The following TMEM143 variants were observed in gnomAD, a reference collection of about 807,000 sequenced individuals.
TMEM143 encodes the protein transmembrane protein 143.
TMEM143 carries 45 observed loss-of-function variants against 40.3 expected under a neutral mutation model. That is an observed-to-expected ratio of 1.12 (90% CI 0.88 to 1.43). The LOEUF (loss-of-function observed/expected upper bound fraction) is 1.43, where lower values mean the gene tolerates loss of function less well. Among genes scored for constraint, TMEM143 ranks in the 40% most tolerant of loss-of-function variants. TMEM143 has a pLI of 0.00. For synonymous variants in TMEM143, 299 were observed against 282.7 expected (o/e 1.06, Z -0.58); for missense variants, 620 against 613.4 (o/e 1.01, Z -0.11).
intron 6 of TMEM143, among the ~76,000 whole-genome samples, chr19:48,338,558 A>G (rs1969422188): frequency 6.6e-6 from 1 of 152,240 alleles, no homozygotes; most frequent in Non-Finnish European, 1.5e-5. Flanking sequence ...GAAAATGTTC[A>G]CTGCCTCATC....
chr19:48,336,203 G>A (rs1057371615), intron 6 of TMEM143, among the ~76,000 whole-genome samples: 18 of 152,194 alleles, frequency 1.2e-4, no homozygotes, highest in South Asian at 2.1e-4. Flanking sequence ...GCAACATGGT[G>A]AAACCCCATC....
chr19:48,363,719 G>T lies in TMEM143; in HGVS notation c.23+179C>A, dbSNP rs1013298301. The T allele has an allele frequency of 4.1e-5, 56 of 1,362,992 alleles. No homozygotes were observed. In the East Asian group the frequency reaches 1.4e-3, roughly 33 times the overall value. The allele number at this position is 1,362,992 out of a possible 1,614,324, so 84.4% of individuals were successfully genotyped here. A position where few individuals can be genotyped will look rare whatever the true frequency, so the allele number is the denominator to read the frequency against. ...CAGTTGGCCTGGGTCCCAGACAGGG[G>T]TCAGAGGTCTTAGGTTCTGGGGCGT... On this transcript the variant is annotated intron_variant, in intron 1 of 7. Transcript: ENST00000293261.
intron 4 of TMEM143, among the ~76,000 whole-genome samples, chr19:48,344,033 C>T (rs982829848): frequency 6.6e-6 from 1 of 151,788 alleles, no homozygotes; most frequent in Admixed American, 6.6e-5. Flanking sequence ...ACTACAGGCA[C>T]CCGCCACCAT....
At chr19:48,361,813 C>T (rs1364829676) in intron 2 of TMEM143, among the ~76,000 whole-genome samples, 1 of 152,208 alleles carries the variant, frequency 6.6e-6, no homozygotes, top group East Asian at 1.9e-4. Context: ...AGGCGTGAGC[C>T]ACCGCGCCCG....
At chr19:48,339,116 G>C (rs762629339) in intron 6 of TMEM143, among the ~76,000 whole-genome samples, 1 of 152,128 alleles carries the variant, frequency 6.6e-6, no homozygotes, top group African/African-American at 2.4e-5. Flanking sequence ...GCAGGACTGG[G>C]TAGAATGGGG....
rs561229332 is a variant in TMEM143, at chr19:48,345,288, G to A, written c.436C>T (p.Arg146Cys). The A allele has an allele frequency of 5.0e-6, 8 of 1,608,952 alleles. No homozygotes were observed. The highest frequency in any genetic ancestry group is 1.7e-5 in the Admixed American group (1 of 59,114). ...AGCACCTCCTGCTCATTAGACAGACGCTGGGGATCCGTTAGTGATGGCTGA... is the reference window on the plus strand; with the variant it reads ...AGCACCTCCTGCTCATTAGACAGACACTGGGGATCCGTTAGTGATGGCTGA... ...LDQPSLTDPQ[R>C]LSNEQEVLRA... The change falls in exon 4 of 8, where the codon CGT becomes TGT. Residue 146 changes from arginine (R) to cysteine (C), a missense_variant. By Grantham distance (180) the Arg-to-Cys change is radical. Coordinates refer to ENST00000293261, the MANE Select transcript of TMEM143 (RefSeq NM_018273.4).
chr19:48,338,301 G>A (rs563049856), intron 6 of TMEM143, among the ~76,000 whole-genome samples: 3 of 152,144 alleles, frequency 2.0e-5, no homozygotes, highest in South Asian at 2.1e-4. Context: ...CAGTCTCCCC[G>A]TCCAGTTTGT....
chr19:48,350,447 G>A (rs1969740644), intron 3 of TMEM143, among the ~76,000 whole-genome samples: 1 of 152,078 alleles, frequency 6.6e-6, no homozygotes, highest in Non-Finnish European at 1.5e-5. Context: ...TCCCCCTGCA[G>A]GGCACCATGC....
chr19:48,343,311 G>C lies in TMEM143; in HGVS notation c.695+10C>G, dbSNP rs760671010. ...CTCTTGCTGCAGCTGGGGAACAAGG[G>C]CCGCCTCACCTCTCCGCAGGGGGCA... On this transcript the variant is annotated intron_variant, in intron 5 of 7. Coordinates refer to ENST00000293261, the MANE Select transcript of TMEM143 (RefSeq NM_018273.4). The C allele has an allele frequency of 1.2e-6, 2 of 1,608,246 alleles. No individual in the cohort carries two copies. The highest frequency in any genetic ancestry group is 1.7e-6 in the Non-Finnish European group (2 of 1,178,328).
Position 48,342,558 on chromosome 19 carries a change from G to C in TMEM143, c.947C>G (p.Ala316Gly), listed in dbSNP as rs1197048086. 6.2e-7 allele frequency: 1 copy of C among 1,611,318 alleles called. No homozygotes were observed. The highest frequency in any genetic ancestry group is 1.7e-5 in the Admixed American group (1 of 59,866). Residue 316 changes from alanine (A) to glycine (G), a missense_variant, in exon 6 of 8, where the codon GCC becomes GGC. By Grantham distance (60) the Ala-to-Gly change is moderately conservative. Coordinates refer to ENST00000293261, the MANE Select transcript of TMEM143 (RefSeq NM_018273.4). ...VATSLLLLLF[A>G]IFMGLRASKM... ...GGAGGCCCGCAGGCCCATGAAGATG[G>C]CGAAGAGCAGCAGCAGCAGGGAGGT...
intron 3 of TMEM143, among the ~76,000 whole-genome samples, chr19:48,356,963 G>T (rs1216824995): frequency 7.1e-6 from 1 of 140,042 alleles, no homozygotes; most frequent in Non-Finnish European, 1.5e-5. Context: ...GGAGTGCAGT[G>T]GCGCGATCTC....
intron 3 of TMEM143, among the ~76,000 whole-genome samples, chr19:48,351,993 A>C (rs764846815): frequency 1.3e-4 from 19 of 151,900 alleles, no homozygotes; most frequent in Non-Finnish European, 2.6e-4. Context: ...TACGCCTGTA[A>C]TCCCAGCATT....
intron 2 of TMEM143, among the ~76,000 whole-genome samples, chr19:48,362,553 T>G (rs1426123333): frequency 6.6e-6 from 1 of 151,990 alleles, no homozygotes; most frequent in Non-Finnish European, 1.5e-5. Context: ...AATAAATGAA[T>G]AATAATCCTC....
At chr19:48,354,833 C>G (rs1969850588) in intron 3 of TMEM143, among the ~76,000 whole-genome samples, 1 of 152,112 alleles carries the variant, frequency 6.6e-6, no homozygotes, top group Non-Finnish European at 1.5e-5. Context: ...CTTTCCCTGC[C>G]CAGGCCACAT....
chr19:48,352,241 T>A (rs1407405516), intron 3 of TMEM143, among the ~76,000 whole-genome samples: 1 of 9,362 alleles, frequency 1.1e-4, no homozygotes, highest in South Asian at 3.5e-3. Context: ...AGTGAGACTC[T>A]GTCTCAAAAA....
chr19:48,333,365 A>G lies in TMEM143; in HGVS notation c.1234T>C (p.Phe412Leu). 1.9e-6 allele frequency: 3 copies of G among 1,609,388 alleles called. No homozygotes were observed. Among genetic ancestry groups the G allele is most frequent in the Non-Finnish European group, 2.5e-6 (3 of 1,176,702 alleles). ...LLAKSGCEVT[F>L]NGTRALAHLQ... The stretch of plus-strand genomic sequence containing the variant: ...TGCGCCAGGGCCCGAGTTCCGTTGA[A>G]GGTCACCTCACAGCCTGACTTGGCT... Residue 412 changes from phenylalanine to leucine, a missense_variant, in exon 8 of 8, where the codon TTC (phenylalanine) becomes CTC (leucine). Physicochemically the swap from Phe to Leu is conservative, Grantham distance 22. Coordinates refer to ENST00000293261, the MANE Select transcript of TMEM143 (RefSeq NM_018273.4). This position sits in a 1 kb window ranked among gnomAD's most constrained non-coding sequence, Gnocchi z 4.1.
chr19:48,359,917 T>C, intron 3 of TMEM143, 155 bp downstream of exon 3: 2 of 656,672 alleles, frequency 3.0e-6, no homozygotes, highest in Non-Finnish European at 5.1e-6. Flanking sequence ...CTTGGAATGT[T>C]GGCTCCATGA....
chr19:48,356,986 G>A (rs1167949677), intron 3 of TMEM143, among the ~76,000 whole-genome samples: 1 of 128,502 alleles, frequency 7.8e-6, no homozygotes, highest in African/African-American at 3.0e-5. Flanking sequence ...TTCACTGCAA[G>A]CTCCGCCACC....
chr19:48,350,837 G>A (rs1015193247), intron 3 of TMEM143, among the ~76,000 whole-genome samples: 3 of 138,370 alleles, frequency 2.2e-5, no homozygotes, highest in African/African-American at 5.5e-5. Flanking sequence ...CAGGAGAATT[G>A]CTTGTACTCA....
Sources: gnomAD v4.1 joint callset for allele counts (sites outside exome capture counted in the v4.1 genomes callset) on GRCh38, gnomAD v4.1.1 for gene constraint, Gnocchi (gnomAD v3.1) non-coding constraint, MANE v1.5 for transcripts, NCBI Gene and HGNC (gene_info 2026-07-23, HGNC 2026-07-21) for gene names.